Variants in TNNT2 observed in about 807,000 individuals in gnomAD.
The protein encoded by TNNT2 is troponin T2, cardiac type, also known as troponin T, cardiac muscle.
A neutral mutation model predicts 62.4 loss-of-function variants in TNNT2; 34 were observed. The observed-to-expected ratio is 0.54, with a 90% confidence interval of 0.41 to 0.72. TNNT2 has a LOEUF of 0.72. TNNT2 is among the 30% of genes least tolerant of loss of function. The pLI is 0.00. For synonymous variants in TNNT2, 123 were observed against 127.2 expected, an observed-to-expected ratio of 0.97 and a Z score of 0.22; for missense variants, 275 against 381.9, an observed-to-expected ratio of 0.72 and a Z score of 2.33.
intron 7 of TNNT2, chr1:201,367,546 C>G (rs184299484): frequency 1.6e-6 from 1 of 632,726 alleles, no homozygotes; most frequent in Admixed American, 2.5e-5. Context: ...GACAATGGTC[C>G]CCTCTCCCAC....
At chr1:201,369,886 G>A in intron 4 of TNNT2, 41 bp from the exon 5 acceptor site, 1 of 1,613,856 alleles carries the variant, frequency 6.2e-7, no homozygotes, top group East Asian at 2.2e-5. Context: ...GGAAAAGCGA[G>A]ACAGGTTAGT....
intron 15 of TNNT2, chr1:201,361,031 G>A (rs1558217731): frequency 3.5e-6 from 2 of 563,896 alleles, no homozygotes; most frequent in East Asian, 3.3e-5. Flanking sequence ...GACCCCCAGG[G>A]TTGGAACACC....
chr1:201,376,646 A>C (rs908591017), intron 1 of TNNT2, among the ~76,000 whole-genome samples: 1 of 152,194 alleles, frequency 6.6e-6, no homozygotes, highest in Admixed American at 6.5e-5. Flanking sequence ...TTGGGAGGGC[A>C]GGTAGCTTCC....
chr1:201,367,749 A>T, intron 7 of TNNT2, 22 bp downstream of exon 7: 1 of 1,612,634 alleles, frequency 6.2e-7, no homozygotes, highest in Non-Finnish European at 8.5e-7. Context: ...CCTCCCTTGT[A>T]CCTCTCTCCT....
intron 7 of TNNT2, 46 bp from the exon 8 acceptor site, chr1:201,366,917 A>G (rs1480219414): frequency 1.2e-6 from 2 of 1,613,826 alleles, no homozygotes; most frequent in African/African-American, 1.3e-5. Context: ...GGGCCCCAGA[A>G]GTGGTCCCAA....
At chr1:201,368,441 G>A (rs1459781105) in intron 5 of TNNT2, 5 of 636,998 alleles carry the variant, frequency 7.8e-6, no homozygotes, top group South Asian at 4.5e-5. Flanking sequence ...ACTCATCCCG[G>A]CAACCTCCCT....
chr1:201,371,028 G>A (rs1177159502), intron 4 of TNNT2, among the ~76,000 whole-genome samples: 1 of 152,136 alleles, frequency 6.6e-6, no homozygotes, highest in African/African-American at 2.4e-5. Flanking sequence ...TCTCCTCTTT[G>A]GCCAGACAGC....
chr1:201,367,971 A>T (rs914971084), intron 6 of TNNT2, among the ~76,000 whole-genome samples, 165 bp from the exon 7 acceptor site: 6 of 152,144 alleles, frequency 3.9e-5, no homozygotes, highest in African/African-American at 1.4e-4. Flanking sequence ...CCTGGACCCA[A>T]GACTGCCTGA....
chr1:201,367,257 CT>C, intron 7 of TNNT2: 1 of 414,332 alleles, frequency 2.4e-6, no homozygotes, highest in Non-Finnish European at 4.5e-6. Context: ...TTTGTTACCC[CT>C]TGGACTTCCC....
intron 4 of TNNT2, 144 bp downstream of exon 4, chr1:201,371,882 CA>C (rs1279532291): frequency 1.0e-4 from 112 of 1,105,596 alleles, no homozygotes; most frequent in Admixed American, 3.3e-4. Flanking sequence ...GACTGATTCC[CA>C]TTTTAGAAGG....
intron 11 of TNNT2, chr1:201,363,777 T>C (rs1659148191): frequency 6.0e-6 from 2 of 333,666 alleles, no homozygotes; most frequent in Non-Finnish European, 1.1e-5. Flanking sequence ...TCTTATAAAA[T>C]AACACGTTCA....
At chr1:201,366,972 A>T (rs1352439170) in intron 7 of TNNT2, 101 bp from the exon 8 acceptor site, 3 of 1,597,472 alleles carry the variant, frequency 1.9e-6, no homozygotes, top group South Asian at 2.2e-5. Flanking sequence ...CCATTTCCCC[A>T]TCTGCACAGT....
rs45521432 is a variant in TNNT2 at position 201,359,896 on chromosome 1, C to T, written c.811-233G>A. ...CTCATGGGCCTCCCACTGTGGGGTC[C>T]CAGGGCCATAATAGGTTCAGGATAT... On this transcript the variant is annotated intron_variant, in intron 15 of 16. Coordinates refer to ENST00000656932, the MANE Select transcript of TNNT2 (RefSeq NM_001276345.2). Among the ~76,000 whole-genome samples, 633 of 152,234 alleles carry T rather than the reference C, an allele frequency of 4.2e-3. 6 individuals are homozygous for T. The highest frequency in any genetic ancestry group is 0.015 in the African/African-American group (604 of 41,526).
intron 6 of TNNT2, 77 bp downstream of exon 6, chr1:201,368,085 T>C (rs1571647758): frequency 1.4e-6 from 2 of 1,469,400 alleles, no homozygotes; most frequent in African/African-American, 2.8e-5. Context: ...TTCTGGGGGG[T>C]TTCTTACTGC....
chr1:201,370,936 C>T (rs932702903), intron 4 of TNNT2, among the ~76,000 whole-genome samples: 1 of 152,206 alleles, frequency 6.6e-6, no homozygotes, highest in Admixed American at 6.5e-5. Context: ...TTTCTGATAG[C>T]TTCTGAAGTA....
chr1:201,367,676 C>T (rs1659900742), intron 7 of TNNT2, 95 bp downstream of exon 7: 1 of 1,374,170 alleles, frequency 7.3e-7, no homozygotes, highest in African/African-American at 1.4e-5. Context: ...CAGTGCACAT[C>T]CACTTCCCTG....
intron 12 of TNNT2, chr1:201,363,090 C>G (rs527285317): frequency 6.1e-6 from 6 of 985,242 alleles, no homozygotes; most frequent in Admixed American, 1.2e-4. Flanking sequence ...CTGTAGCCCC[C>G]TACCCCAGCA....
intron 12 of TNNT2, 64 bp from the exon 13 acceptor site, chr1:201,362,458 G>A: frequency 1.9e-6 from 3 of 1,584,164 alleles, no homozygotes; most frequent in Non-Finnish European, 1.7e-6. Context: ...CAGAGACACA[G>A]AGAGAAGGCA....
chr1:201,371,152 A>G (rs1660554407), intron 4 of TNNT2, among the ~76,000 whole-genome samples: 1 of 151,980 alleles, frequency 6.6e-6, no homozygotes, highest in African/African-American at 2.4e-5. Context: ...CCCTTCTCCT[A>G]ATATCTACAT....
Sources: gnomAD v4.1 joint callset for allele counts (sites outside exome capture counted in the v4.1 genomes callset) on GRCh38, gnomAD v4.1.1 for gene constraint, MANE v1.5 for transcripts, NCBI Gene and HGNC (gene_info 2026-07-23, HGNC 2026-07-21) for gene names.